The following CALD1 variants were observed in gnomAD, a reference collection of about 807,000 sequenced individuals.
The protein encoded by CALD1 is caldesmon.
Under a neutral mutation model 99.9 loss-of-function variants are expected in CALD1, and 33 were observed. The observed-to-expected ratio is 0.33, with a 90% CI of 0.25 to 0.44. The LOEUF (loss-of-function observed/expected upper bound fraction) is 0.44. CALD1 is among the 20% of genes least tolerant of loss of function. The pLI is 1.00. For synonymous variants in CALD1, 310 were observed against 325.0 expected (o/e 0.95, Z 0.50); for missense variants, 861 against 962.1 (o/e 0.89, Z 1.39).
chr7:134,896,168 AT>A (rs1802559756), intron 3 of CALD1, among the ~76,000 whole-genome samples: 2 of 152,356 alleles, frequency 1.3e-5, no homozygotes, highest in South Asian at 4.1e-4. Context: ...GGCCGCCTGC[AT>A]CAGGAATAAG....
intron 1 of CALD1, among the ~76,000 whole-genome samples, chr7:134,832,052 G>C (rs779145520): frequency 4.5e-4 from 69 of 152,238 alleles, no homozygotes; most frequent in Non-Finnish European, 7.9e-4. Context: ...TCCGTAGGGT[G>C]GGCATGCGCA....
At position 134,928,839 on chromosome 7, in the gene CALD1, AAGC is replaced by A. The variant is rs758338224; in HGVS notation, c.160_162del (p.Gln54del). The A allele has an allele frequency of 6.2e-7, 1 of 1,614,000 alleles. No individual in the cohort carries two copies. The highest frequency in any genetic ancestry group is 8.5e-7 in the Non-Finnish European group (1 of 1,179,948). ...AGCCCGACAGGAACGGCTGCGGCAGAAGCAGGAGGAAGAATCCTTGGGACAGGT... is the reference window on the plus strand; with the variant it reads ...AGCCCGACAGGAACGGCTGCGGCAGAAGGAGGAAGAATCCTTGGGACAGGT... On this transcript the variant is annotated inframe_deletion, in exon 4 of 15. Transcript: ENST00000361675.
chr7:134,924,794 A>G (rs11974957), intron 3 of CALD1, among the ~76,000 whole-genome samples: 71,962 of 151,946 alleles, frequency 0.47, 17,627 homozygotes, highest in East Asian at 0.87. Context: ...ATGTGTCAAG[A>G]GAGAGACCAG....
intron 1 of CALD1, among the ~76,000 whole-genome samples, chr7:134,839,784 G>A (rs1296675166): frequency 6.6e-6 from 1 of 152,048 alleles, no homozygotes; most frequent in Admixed American, 6.6e-5. Flanking sequence ...TGACTTCCCT[G>A]GCTCAAGAGA....
At chr7:134,716,795 A>G in the CALD1 span, among the ~76,000 whole-genome samples, 1 of 152,194 alleles carries the variant, frequency 6.6e-6, no homozygotes, top group Non-Finnish European at 1.5e-5. Flanking sequence ...TATACTGTAG[A>G]CTTTGATGTG....
chr7:134,805,778 A>T (rs954447490), intron 1 of CALD1, among the ~76,000 whole-genome samples: 9 of 152,076 alleles, frequency 5.9e-5, no homozygotes, highest in African/African-American at 2.2e-4. Flanking sequence ...AGTTTATCCA[A>T]AGATTTTCTT....
Position 134,793,090 on chromosome 7 carries a change from C to T in CALD1, c.-130+13341C>T, listed in dbSNP as rs561740205. 1.4e-4 allele frequency among the ~76,000 whole-genome samples: 22 copies of T among 152,264 alleles called. No individual in the cohort carries two copies. In the South Asian group the frequency reaches 2.9e-3, roughly 20 times the overall value. ...GTATGAGGCCTTTAGGAGCCAAGGA[C>T]GGGGCTCAGTGGGAAGGCTTGGCCA... On this transcript the variant is annotated intron_variant, in intron 1 of 14. Coordinates refer to ENST00000361675, the MANE Select transcript of CALD1 (RefSeq NM_033138.4).
At chr7:134,775,871 A>G (rs944207992), upstream of CALD1, among the ~76,000 whole-genome samples, 1 of 152,136 alleles carries the variant, frequency 6.6e-6, no homozygotes, top group Non-Finnish European at 1.5e-5. Flanking sequence ...TCTTGCACAT[A>G]TTTTGTTACA....
At chr7:134,874,883 T>A (rs1479884634) in intron 3 of CALD1, among the ~76,000 whole-genome samples, 19 of 152,324 alleles carry the variant, frequency 1.2e-4, no homozygotes, top group Admixed American at 1.2e-3. Context: ...TCACTGAGAC[T>A]TTTTTACATG....
At chr7:134,792,534 T>C (rs569793006) in intron 1 of CALD1, among the ~76,000 whole-genome samples, 35 of 152,106 alleles carry the variant, frequency 2.3e-4, no homozygotes, top group African/African-American at 8.2e-4. Context: ...TCAGGTGATC[T>C]GCCTGCCTTG....
At chr7:134,891,690 T>C (rs6953822) in intron 3 of CALD1, 1,297,602 of 1,548,024 alleles carry the variant, frequency 0.84, 546,014 homozygotes, top group East Asian at 1. Flanking sequence ...CCTCATTTCG[T>C]CTCTTTGGTT....
chr7:134,931,142 C>T (rs1485274501), intron 4 of CALD1, among the ~76,000 whole-genome samples: 2 of 151,084 alleles, frequency 1.3e-5, no homozygotes, highest in East Asian at 3.9e-4. Context: ...TGTGATTTAT[C>T]TCTGACATAT....
chr7:134,956,639 C>G (rs1038897215), intron 9 of CALD1, among the ~76,000 whole-genome samples: 5 of 152,170 alleles, frequency 3.3e-5, no homozygotes, highest in African/African-American at 1.2e-4. Context: ...TTTTAAGGCA[C>G]CCAGTCTATG....
intron 1 of CALD1, among the ~76,000 whole-genome samples, chr7:134,805,464 T>C (rs1206507026): frequency 4.6e-5 from 7 of 152,182 alleles, no homozygotes; most frequent in African/African-American, 1.2e-4. Context: ...TCCTCTTTCA[T>C]AGATACAGTA....
chr7:134,779,609 G>T (rs1797024506), upstream of CALD1: 1 of 398,598 alleles, frequency 2.5e-6, no homozygotes. Flanking sequence ...AAGGAAGGGC[G>T]GTCTGGAGTT....
chr7:134,755,545 T>C (rs984204814), intron 1 of CALD1, among the ~76,000 whole-genome samples: 23 of 152,330 alleles, frequency 1.5e-4, no homozygotes, highest in African/African-American at 5.1e-4. Context: ...CTTATTGATA[T>C]AGGAGTGATT....
chr7:134,966,312 A>T (rs1277703466), intron 14 of CALD1, among the ~76,000 whole-genome samples: 2 of 152,202 alleles, frequency 1.3e-5, no homozygotes, highest in Admixed American at 1.3e-4. Flanking sequence ...AGCTACCTAA[A>T]CATATTACCC....
At chr7:134,815,597 TA>T (rs1367614939) in intron 1 of CALD1, among the ~76,000 whole-genome samples, 1 of 152,180 alleles carries the variant, frequency 6.6e-6, no homozygotes, top group Non-Finnish European at 1.5e-5. Flanking sequence ...GGTGACCCTC[TA>T]AACCATTTCT....
At chr7:134,866,853 C>T (rs1037256819) in intron 2 of CALD1, 1 of 152,148 alleles carries the variant, frequency 6.6e-6, no homozygotes. Context: ...CCACTGACAG[C>T]TCTGTAAACA....
Sources: gnomAD v4.1 joint callset for allele counts (sites outside exome capture counted in the v4.1 genomes callset) on GRCh38, gnomAD v4.1.1 for gene constraint, MANE v1.5 for transcripts, NCBI Gene and HGNC (gene_info 2026-07-23, HGNC 2026-07-21) for gene names.